Variants in MRPL38 observed in about 807,000 individuals in gnomAD.
MRPL38 encodes the protein large ribosomal subunit protein mL38.
In MRPL38, 51 loss-of-function variants were observed where a neutral mutation model predicts 52.1. The observed-to-expected ratio is 0.98, with a 90% CI of 0.78 to 1.24. The LOEUF (loss-of-function observed/expected upper bound fraction) is 1.24. MRPL38 is among the 50% of genes most tolerant of loss of function. The pLI, the probability that MRPL38 is intolerant of heterozygous loss-of-function variation, is 0.00. For missense variants in MRPL38, 527 were observed against 518.6 expected (o/e 1.02, Z -0.16); for synonymous variants, 245 against 212.7 (o/e 1.15, Z -1.32).
chr17:75,899,342 G>GCC, intron 7 of MRPL38, 48 bp from the exon 8 acceptor site: 1 of 1,594,906 alleles, frequency 6.3e-7, no homozygotes, highest in Non-Finnish European at 8.6e-7. Flanking sequence ...GGGCACCAGA[G>GCC]CCCCTCACCC....
chr17:75,899,381 C>A (rs949655656), intron 7 of MRPL38, 87 bp from the exon 8 acceptor site: 7 of 1,534,526 alleles, frequency 4.6e-6, no homozygotes, highest in Non-Finnish European at 6.2e-6. Context: ...CCCTGAGAGG[C>A]CCCTGGGAGT....
At chr17:75,902,427 TGA>T (rs2065409230) in intron 2 of MRPL38, 1 of 449,416 alleles carries the variant, frequency 2.2e-6, no homozygotes, top group East Asian at 4.2e-5. Context: ...TTAAAAAATC[TGA>T]GAGATGGGAT....
rs1029898026 is a variant in MRPL38 at position 75,901,196 on chromosome 17, C to T, written c.664+5G>A. On this transcript the variant is annotated splice_donor_5th_base_variant and intron_variant, in intron 5 of 8. Transcript: ENST00000309352. The surrounding 1 kb of genome is among the most constrained non-coding windows in gnomAD (Gnocchi z 5.7). ...CAGGAGGCCTGGTGAGCCCCAGACACCCACCCAAGCTAGTGAGTAGCAACG... is the reference window on the plus strand; with the variant it reads ...CAGGAGGCCTGGTGAGCCCCAGACATCCACCCAAGCTAGTGAGTAGCAACG... The T allele has an allele frequency of 1.1e-5, 18 of 1,613,414 alleles. No individual in the cohort carries two copies. The highest frequency in any genetic ancestry group is 1.4e-5 in the Non-Finnish European group (17 of 1,179,782).
At chr17:75,900,728 A>C in intron 6 of MRPL38, 4 of 1,318,508 alleles carry the variant, frequency 3.0e-6, no homozygotes, top group Non-Finnish European at 3.9e-6. Context: ...CTCAAAAAAA[A>C]AAAAAAAAAA....
In MRPL38 at chr17:75,901,124, C is replaced by T; in HGVS notation, c.664+77G>A. ...CCAGCGCTGGAGATCTCCACCTGGCCCCTCCCCCAGCCCCCCAGGGCCCTG... is the reference window on the plus strand; with the variant it reads ...CCAGCGCTGGAGATCTCCACCTGGCTCCTCCCCCAGCCCCCCAGGGCCCTG... On this transcript the variant is annotated intron_variant, in intron 5 of 8. Transcript: ENST00000309352. The surrounding 1 kb of genome is among the most constrained non-coding windows in gnomAD (Gnocchi z 5.7). 6.3e-7 allele frequency: 1 copy of T among 1,597,398 alleles called. No individual in the cohort carries two copies. Among genetic ancestry groups the T allele is most frequent in the South Asian group, 1.1e-5 (1 of 88,660 alleles).
In MRPL38 at chr17:75,899,561, T is replaced by G; in HGVS notation, c.824A>C (p.Gln275Pro). 6.2e-7 allele frequency: 1 copy of G among 1,605,204 alleles called. No individual in the cohort carries two copies. The highest frequency in any genetic ancestry group is 1.1e-5 in the South Asian group (1 of 90,098). The stretch of plus-strand genomic sequence containing the variant: ...CTCAGAGAAGTCAATCGGCTGGTCC[T>G]GCTTGAAGAGCAGGAAGGCAAGACG... ...IHRLAFLLFK[Q>P]DQPIDFSEDA... Residue 275 changes from glutamine to proline, a missense_variant, in exon 7 of 9, where the codon CAG becomes CCG. Gln to Pro is a moderately conservative substitution (Grantham distance 76). Transcript: ENST00000309352.
intron 2 of MRPL38, among the ~76,000 whole-genome samples, chr17:75,903,531 ATTATT>A (rs1191227107): frequency 1.3e-5 from 2 of 152,204 alleles, no homozygotes; most frequent in Non-Finnish European, 2.9e-5. Flanking sequence ...CAAAGACACA[ATTATT>A]TTATTTTACA....
intron 6 of MRPL38, chr17:75,900,738 A>G (rs2065400106): frequency 2.4e-6 from 3 of 1,266,272 alleles, no homozygotes; most frequent in Non-Finnish European, 3.0e-6. Flanking sequence ...AAAAAAAAAA[A>G]GAAAAGAAAA....
At chr17:75,904,342 G>A (rs772508049) in intron 2 of MRPL38, 198 bp downstream of exon 2, 21 of 724,402 alleles carry the variant, frequency 2.9e-5, no homozygotes, top group African/African-American at 2.8e-4. Context: ...AATTTTCCAA[G>A]AATGAGGTGC....
chr17:75,904,055 G>A (rs1046605195), intron 2 of MRPL38, among the ~76,000 whole-genome samples: 2 of 152,144 alleles, frequency 1.3e-5, no homozygotes, highest in Non-Finnish European at 2.9e-5. Flanking sequence ...GAGTCACCCT[G>A]CCCAGGCCTT....
At chr17:75,904,770 G>GGGCCCCCCC in intron 1 of MRPL38, 39 bp downstream of exon 1, 22 of 499,980 alleles carry the variant, frequency 4.4e-5, no homozygotes, top group Admixed American at 9.6e-5. Flanking sequence ...TCGGGCGACA[G>GGGCCCCCCC]CCCCCCCCCC....
Position 75,898,993 on chromosome 17 carries a change from G to A in MRPL38, c.1007-7C>T, listed in dbSNP as rs1276180547. On this transcript the variant is annotated splice_region_variant and splice_polypyrimidine_tract_variant and intron_variant, in intron 8 of 8. Transcript: ENST00000309352. ...AACACCGGCTCCCGCATGTCTGCAA[G>A]AAGAGTGAGGGGTACGGGGTGGTCT... The A allele has an allele frequency of 1.9e-6, 3 of 1,591,030 alleles. No individual in the cohort carries two copies. Among genetic ancestry groups the A allele is most frequent in the African/African-American group, 1.3e-5 (1 of 74,686 alleles).
chr17:75,899,958 C>T (rs1430503104), intron 6 of MRPL38: 12 of 254,710 alleles, frequency 4.7e-5, no homozygotes, highest in Admixed American at 1.1e-4. Flanking sequence ...CCGGTGGGTC[C>T]GCCACAGTCA....
chr17:75,904,775 C>T, intron 1 of MRPL38, 34 bp downstream of exon 1: 14 of 603,712 alleles, frequency 2.3e-5, no homozygotes, highest in South Asian at 4.7e-5. Context: ...CGACAGCCCC[C>T]CCCCCCCCCC....
intron 2 of MRPL38, chr17:75,904,152 C>T (rs1265831719): frequency 2.2e-6 from 1 of 464,784 alleles, no homozygotes; most frequent in Non-Finnish European, 4.4e-6. Flanking sequence ...AAGCAGGATC[C>T]CTGTCAACAG....
In MRPL38 at chr17:75,898,877, A is replaced by G; in HGVS notation, c.1116T>C (p.Ser372=). The part of the protein sequence containing the change: ...PLRYLDRYRD[S]HEPTYGIY ...AGTAGATGCCATAGGTGGGCTCATG[A>G]CTGTCCCTGTACCGGTCCAGGTAGC... Residue 372 remains serine, a synonymous_variant, in exon 9 of 9, where the codon AGT becomes AGC. Coordinates refer to ENST00000309352, the MANE Select transcript of MRPL38 (RefSeq NM_032478.4). 1 of 1,611,814 alleles carries G rather than the reference A, an allele frequency of 6.2e-7. No individual in the cohort carries two copies. Among genetic ancestry groups the G allele is most frequent in the African/African-American group, 1.3e-5 (1 of 74,942 alleles).
At chr17:75,902,867 G>T (rs147942263) in intron 2 of MRPL38, among the ~76,000 whole-genome samples, 2 of 152,120 alleles carry the variant, frequency 1.3e-5, no homozygotes, top group Non-Finnish European at 2.9e-5. Context: ...GATTACAGGC[G>T]CCTGCCACCA....
chr17:75,904,272 G>T, intron 2 of MRPL38: 1 of 634,246 alleles, frequency 1.6e-6, no homozygotes, highest in Non-Finnish European at 3.0e-6. Context: ...GGAAAGTCAG[G>T]TGGTCAAGAT....
chr17:75,904,237 G>A (rs1216922798), intron 2 of MRPL38: 1 of 572,720 alleles, frequency 1.7e-6, no homozygotes, highest in Non-Finnish European at 3.4e-6. Flanking sequence ...GAGTATTTGA[G>A]GCGCACAGAA....
Sources: allele counts gnomAD v4.1 joint callset (sites outside exome capture counted in the v4.1 genomes callset), GRCh38; gene constraint gnomAD v4.1.1; non-coding constraint Gnocchi (gnomAD v3.1); transcripts MANE v1.5; gene names NCBI Gene and HGNC (gene_info 2026-07-23, HGNC 2026-07-21).